The following TMEM132D variants were observed in gnomAD, a reference collection of about 807,000 sequenced individuals.
TMEM132D encodes transmembrane protein 132D.
TMEM132D carries 21 observed loss-of-function variants against 62.3 expected under a neutral mutation model. That is an observed-to-expected ratio of 0.34 (90% confidence interval 0.24 to 0.49). The LOEUF is 0.49. Among genes scored for constraint, TMEM132D ranks in the 20% least tolerant of loss-of-function variants. The probability of loss-of-function intolerance (pLI) is 0.99; values close to 1 mark genes in which losing one functional copy is unlikely to be tolerated. For missense variants in TMEM132D, 1,346 were observed against 1,402.8 expected (o/e 0.96, Z 0.65); for synonymous variants, 621 against 575.6 (o/e 1.08, Z -1.13).
chr12:129,677,844 T>C (rs1392449975), intron 2 of TMEM132D, among the ~76,000 whole-genome samples: 2 of 148,492 alleles, frequency 1.3e-5, no homozygotes, highest in Admixed American at 6.7e-5. Flanking sequence ...TTTTTTTTTT[T>C]TTCTATAGTT....
chr12:129,178,431 C>G (rs954376678), intron 5 of TMEM132D, among the ~76,000 whole-genome samples: 6 of 102,194 alleles, frequency 5.9e-5, no homozygotes, highest in African/African-American at 2.2e-4. Flanking sequence ...TCACCAGCAT[C>G]TGTTTTTTTT....
intron 3 of TMEM132D, among the ~76,000 whole-genome samples, chr12:129,486,796 C>T (rs888906813): frequency 2.8e-5 from 4 of 144,916 alleles, no homozygotes; most frequent in Non-Finnish European, 4.5e-5. Flanking sequence ...TTCATCCCTT[C>T]CATTATTAAG....
chr12:129,476,121 T>C (rs1874249282), intron 3 of TMEM132D, among the ~76,000 whole-genome samples: 1 of 152,226 alleles, frequency 6.6e-6, no homozygotes, highest in African/African-American at 2.4e-5. Context: ...CCCTGCTTTC[T>C]GTCTGCTCAT....
chr12:129,896,305 T>C (rs826342), intron 1 of TMEM132D, among the ~76,000 whole-genome samples: 74,063 of 151,930 alleles, frequency 0.49, 19,044 homozygotes, highest in East Asian at 0.68. Flanking sequence ...TCCTGTCTCG[T>C]GCCTTCTGCT....
chr12:129,132,069 C>T (rs773229059), intron 5 of TMEM132D, among the ~76,000 whole-genome samples: 58 of 152,118 alleles, frequency 3.8e-4, no homozygotes, highest in Admixed American at 1.6e-3. Context: ...TTTTATCCTC[C>T]ACCTCACTGT....
At chr12:129,638,584 A>AAATATATAAATTATATAT (rs1167073179) in intron 2 of TMEM132D, among the ~76,000 whole-genome samples, 2 of 43,736 alleles carry the variant, frequency 4.6e-5, no homozygotes, top group African/African-American at 7.5e-5. Flanking sequence ...AATTATATAT[A>AAATATATAAATTATATAT]AATATATATT....
chr12:129,323,912 A>AT (rs3884224), intron 4 of TMEM132D, among the ~76,000 whole-genome samples: 49,408 of 150,152 alleles, frequency 0.33, 8,654 homozygotes, highest in African/African-American at 0.4. Flanking sequence ...AGTAGGTTTT[A>AT]TTTTTTTTTT....
intron 1 of TMEM132D, among the ~76,000 whole-genome samples, chr12:129,893,965 C>T (rs1275910063): frequency 6.6e-6 from 1 of 152,168 alleles, no homozygotes; most frequent in African/African-American, 2.4e-5. Context: ...GAGGCTTGTC[C>T]ACAGAAATGG....
chr12:129,254,262 C>T (rs55749459), intron 4 of TMEM132D, among the ~76,000 whole-genome samples: 15,938 of 152,288 alleles, frequency 0.1, 1,073 homozygotes, highest in Non-Finnish European at 0.16. Flanking sequence ...TGATGGACAT[C>T]CCGATTACTC....
At chr12:129,308,480 A>G (rs189780979) in intron 4 of TMEM132D, among the ~76,000 whole-genome samples, 8 of 152,296 alleles carry the variant, frequency 5.3e-5, no homozygotes, top group Non-Finnish European at 1.2e-4. Flanking sequence ...TCATTAATTA[A>G]TTCCCTTCCA....
intron 4 of TMEM132D, among the ~76,000 whole-genome samples, chr12:129,261,919 C>T (rs1373568303): frequency 1.3e-5 from 2 of 152,150 alleles, no homozygotes; most frequent in Non-Finnish European, 2.9e-5. Flanking sequence ...GACCCATTTT[C>T]AGCCCATAAC....
chr12:129,256,240 C>T (rs1021031276), intron 4 of TMEM132D, among the ~76,000 whole-genome samples: 5 of 152,008 alleles, frequency 3.3e-5, no homozygotes, highest in Admixed American at 3.3e-4. Context: ...ATCATCATGT[C>T]CATTTGTTAG....
chr12:129,612,739 T>C (rs1042061235), intron 2 of TMEM132D, among the ~76,000 whole-genome samples: 1 of 151,606 alleles, frequency 6.6e-6, no homozygotes, highest in Admixed American at 6.6e-5. Context: ...GCAACTCATC[T>C]GATGTACGCT....
At chr12:129,318,464 G>A (rs1180835559) in intron 4 of TMEM132D, among the ~76,000 whole-genome samples, 1 of 152,124 alleles carries the variant, frequency 6.6e-6, no homozygotes, top group African/African-American at 2.4e-5. Context: ...CTGGTACTGG[G>A]GGTGGTCTGC....
At chr12:129,478,061 A>G (rs1163152171) in intron 3 of TMEM132D, among the ~76,000 whole-genome samples, 1 of 152,188 alleles carries the variant, frequency 6.6e-6, no homozygotes, top group African/African-American at 2.4e-5. Flanking sequence ...TACTGTACTG[A>G]ATACAGTAGG....
At chr12:129,650,675 C>G (rs1030472863) in intron 2 of TMEM132D, among the ~76,000 whole-genome samples, 1 of 152,062 alleles carries the variant, frequency 6.6e-6, no homozygotes, top group Non-Finnish European at 1.5e-5. Flanking sequence ...GGTACTTTGG[C>G]GTGACTTTAA....
At chr12:129,709,621 G>C (rs1189671396) in intron 1 of TMEM132D, among the ~76,000 whole-genome samples, 1 of 152,170 alleles carries the variant, frequency 6.6e-6, no homozygotes, top group African/African-American at 2.4e-5. Flanking sequence ...TGACGTCTTG[G>C]ATTTTTAATA....
chr12:129,633,207 T>A (rs1277611995), intron 2 of TMEM132D, among the ~76,000 whole-genome samples: 2 of 152,200 alleles, frequency 1.3e-5, no homozygotes, highest in African/African-American at 4.8e-5. Context: ...TCCTCTGTAT[T>A]TTTCTCCAAT....
At chr12:129,434,318 T>C (rs1381186746) in intron 3 of TMEM132D, among the ~76,000 whole-genome samples, 1 of 152,130 alleles carries the variant, frequency 6.6e-6, no homozygotes, top group Non-Finnish European at 1.5e-5. Flanking sequence ...AACATGAAAT[T>C]TGGAGTCAGG....
Sources: allele counts gnomAD v4.1 joint callset (sites outside exome capture counted in the v4.1 genomes callset), GRCh38; gene constraint gnomAD v4.1.1; transcripts MANE v1.5; gene names NCBI Gene and HGNC (gene_info 2026-07-23, HGNC 2026-07-21).